The following FRMD4B variants were observed in gnomAD, a reference collection of about 807,000 sequenced individuals.
FRMD4B encodes FERM domain containing 4B, also known as FERM domain-containing protein 4B.
A neutral mutation model predicts 141.5 loss-of-function variants in FRMD4B; 74 were observed. The ratio of observed to expected loss-of-function variants is 0.52; its 90% CI spans 0.43 to 0.63. FRMD4B has a LOEUF of 0.63. FRMD4B is among the 30% of genes least tolerant of loss of function. The pLI, the probability that FRMD4B is intolerant of heterozygous loss-of-function variation, is 0.00. For synonymous variants in FRMD4B, 506 were observed against 467.9 expected (o/e 1.08, Z -1.05); for missense variants, 1,366 against 1,253.4 (o/e 1.09, Z -1.36).
intron 1 of FRMD4B, among the ~76,000 whole-genome samples, chr3:69,448,606 T>A (rs1220364976): frequency 6.6e-6 from 1 of 152,200 alleles, no homozygotes; most frequent in African/African-American, 2.4e-5. Flanking sequence ...GAGTTTGCAC[T>A]TCCTAGATGA....
Position 69,247,980 on chromosome 3 carries a change from C to T in FRMD4B, c.581+1246G>A, listed in dbSNP as rs561066942. Among the ~76,000 whole-genome samples the T allele has an allele frequency of 1.4e-4, 22 of 151,920 alleles. 1 individual carries two copies. In the South Asian group the frequency reaches 4.4e-3, roughly 30 times the overall value. Reference sequence around the variant, plus strand: ...CTAATTTTTATATTTGTAGTAGAGACAGGGTTTCACCATGTTGGCCACGCT... The same window carrying T: ...CTAATTTTTATATTTGTAGTAGAGATAGGGTTTCACCATGTTGGCCACGCT... On this transcript the variant is annotated intron_variant, in intron 7 of 22. Transcript: ENST00000398540.
intron 21 of FRMD4B, 27 bp downstream of exon 21, chr3:69,180,872 T>C (rs533569256): frequency 7.0e-7 from 1 of 1,435,032 alleles, no homozygotes; most frequent in Non-Finnish European, 9.6e-7. Flanking sequence ...AAAATCCAGG[T>C]GTTGCGTGTT....
intron 4 of FRMD4B, among the ~76,000 whole-genome samples, chr3:69,295,276 G>A (rs116730047): frequency 1.3e-3 from 191 of 152,246 alleles, no homozygotes; most frequent in African/African-American, 4.5e-3. Context: ...TTGGGTGGGG[G>A]TGTTTACCAA....
intron 7 of FRMD4B, among the ~76,000 whole-genome samples, chr3:69,227,639 G>A (rs1391269513): frequency 3.3e-5 from 5 of 151,366 alleles, no homozygotes; most frequent in African/African-American, 1.2e-4. Context: ...TCCAGCCTGG[G>A]GGACAAGAGT....
intron 1 of FRMD4B, among the ~76,000 whole-genome samples, chr3:69,373,979 G>A (rs1386835361): frequency 1.3e-5 from 2 of 152,284 alleles, no homozygotes; most frequent in African/African-American, 4.8e-5. Context: ...CTGGTAGGTA[G>A]GCACTATTAT....
intron 1 of FRMD4B, among the ~76,000 whole-genome samples, chr3:69,329,768 G>A (rs908379537): frequency 6.6e-6 from 1 of 151,568 alleles, no homozygotes; most frequent in South Asian, 2.1e-4. Context: ...CTGACCTCAG[G>A]TGATCTGCCT....
At chr3:69,374,495 T>C (rs1703914053) in intron 1 of FRMD4B, among the ~76,000 whole-genome samples, 1 of 152,202 alleles carries the variant, frequency 6.6e-6, no homozygotes, top group South Asian at 2.1e-4. Flanking sequence ...CAGGTCTTCT[T>C]AGCAGTTGCA....
intron 1 of FRMD4B, among the ~76,000 whole-genome samples, chr3:69,314,118 G>C (rs1319870041): frequency 2.7e-4 from 26 of 97,538 alleles, no homozygotes; most frequent in Non-Finnish European, 4.5e-4. Flanking sequence ...CAGCCTGGGC[G>C]ACAGAGCGAG....
Position 69,170,718 on chromosome 3 carries a change from C to G in FRMD4B, c.*1143G>C, listed in dbSNP as rs1219467072. 6.6e-6 allele frequency: 1 copy of G among 152,170 alleles called. No homozygotes were observed. Among genetic ancestry groups the G allele is most frequent in the East Asian group, 1.9e-4 (1 of 5,194 alleles). The allele number at this position is 152,170 out of a possible 1,614,324, so 9.4% of individuals were successfully genotyped here. On this transcript the variant is annotated 3_prime_UTR_variant, in exon 23 of 23. Transcript: ENST00000398540. The stretch of plus-strand genomic sequence containing the variant: ...AACAAAACCCTACAATAAACCATAG[C>G]TAATTAGTTCTTCCAAGGAAAGTAT...
chr3:69,412,465 T>C (rs941325049), intron 2 of FRMD4B, among the ~76,000 whole-genome samples: 1 of 152,036 alleles, frequency 6.6e-6, no homozygotes, highest in Non-Finnish European at 1.5e-5. Context: ...GGACCGAAAG[T>C]AGGTAGAAGC....
chr3:69,400,571 G>C (rs1345448476), intron 2 of FRMD4B, among the ~76,000 whole-genome samples: 1 of 152,148 alleles, frequency 6.6e-6, no homozygotes, highest in African/African-American at 2.4e-5. Context: ...AAACACCACT[G>C]GGGTGCAATG....
chr3:69,300,935 C>T lies in FRMD4B; in HGVS notation c.416+1408G>A, dbSNP rs566254837. 1.8e-4 allele frequency among the ~76,000 whole-genome samples: 27 copies of T among 152,194 alleles called. No homozygotes were observed. The South Asian group carries it at 5.6e-3, about 32-fold the overall frequency. ...ATTTTTAGTAGAGATGGGGTTTCCCCATGTTGGCCAGGCTGGTCTCATACT... is the reference window on the plus strand; with the variant it reads ...ATTTTTAGTAGAGATGGGGTTTCCCTATGTTGGCCAGGCTGGTCTCATACT... On this transcript the variant is annotated intron_variant, in intron 4 of 22. Coordinates refer to ENST00000398540, the MANE Select transcript of FRMD4B (RefSeq NM_015123.3).
chr3:69,451,162 G>A (rs1191646263), intron 1 of FRMD4B, among the ~76,000 whole-genome samples: 2 of 152,216 alleles, frequency 1.3e-5, no homozygotes, highest in African/African-American at 4.8e-5. Context: ...ATCAGAGGAT[G>A]ATGTGTGATT....
intron 7 of FRMD4B, among the ~76,000 whole-genome samples, chr3:69,238,519 C>T (rs1382381443): frequency 6.6e-6 from 1 of 152,178 alleles, no homozygotes. Context: ...TGTGGTAGCT[C>T]ACGCCTGTAA....
chr3:69,433,817 C>T (rs1001367961), intron 1 of FRMD4B, among the ~76,000 whole-genome samples: 5 of 152,152 alleles, frequency 3.3e-5, no homozygotes, highest in Admixed American at 3.3e-4. Flanking sequence ...GTACTAAGAT[C>T]AGTATGAAGG....
At chr3:69,521,142 A>C (rs1016192205) in intron 1 of FRMD4B, among the ~76,000 whole-genome samples, 1 of 152,132 alleles carries the variant, frequency 6.6e-6, no homozygotes, top group African/African-American at 2.4e-5. Context: ...GGGACCCCAG[A>C]TGGTCCCCCA....
intron 1 of FRMD4B, among the ~76,000 whole-genome samples, chr3:69,474,499 C>A (rs903984875): frequency 6.6e-6 from 1 of 152,082 alleles, no homozygotes; most frequent in African/African-American, 2.4e-5. Context: ...AAATCCCCAG[C>A]CCAAAGGAAG....
intron 7 of FRMD4B, among the ~76,000 whole-genome samples, chr3:69,234,333 A>G (rs1002698508): frequency 6.6e-6 from 1 of 152,090 alleles, no homozygotes; most frequent in African/African-American, 2.4e-5. Context: ...TTTGAGCTGG[A>G]TCTTCTATTG....
intron 2 of FRMD4B, among the ~76,000 whole-genome samples, chr3:69,402,607 A>C (rs1231065180): frequency 6.6e-6 from 1 of 152,190 alleles, no homozygotes; most frequent in Non-Finnish European, 1.5e-5. Flanking sequence ...CAGATATAGG[A>C]GGTGCGTAAT....
Sources: gnomAD v4.1 joint callset for allele counts (sites outside exome capture counted in the v4.1 genomes callset) on GRCh38, gnomAD v4.1.1 for gene constraint, MANE v1.5 for transcripts, NCBI Gene and HGNC (gene_info 2026-07-23, HGNC 2026-07-21) for gene names.